SASH1: variants seen among roughly 807,000 people sequenced by gnomAD.
SASH1 encodes the protein SAM and SH3 domain-containing protein 1.
SASH1 carries 44 observed loss-of-function variants against 125.2 expected under a neutral mutation model. That is an observed-to-expected ratio of 0.35 (90% CI 0.28 to 0.45). The LOEUF is 0.45. Ranked by LOEUF, SASH1 falls within the 20% of genes least tolerant of loss-of-function variation. The pLI, the probability that SASH1 is intolerant of heterozygous loss-of-function variation, is 1.00. For missense variants in SASH1, 1,426 were observed against 1,614.5 expected (o/e 0.88, Z 2.00); for synonymous variants, 639 against 649.1 (o/e 0.98, Z 0.24).
chr6:148,409,236 A>G (rs909980540), intron 2 of SASH1, among the ~76,000 whole-genome samples: 8 of 152,232 alleles, frequency 5.3e-5, no homozygotes, highest in African/African-American at 1.4e-4. Context: ...TTCAGACCAT[A>G]TGCCATAGTG....
At chr6:148,484,754 A>C (rs919836562) in intron 7 of SASH1, among the ~76,000 whole-genome samples, 3 of 152,160 alleles carry the variant, frequency 2.0e-5, no homozygotes, top group Non-Finnish European at 4.4e-5. Flanking sequence ...CAACCTGGGC[A>C]TCATGATGAA....
chr6:148,243,450 A>AAATAATAAT, the SASH1 span, among the ~76,000 whole-genome samples: 22,355 of 138,220 alleles, frequency 0.16, 2,176 homozygotes, highest in Non-Finnish European at 0.22. Context: ...AATTCCATCT[A>AAATAATAAT]AATAATAATA....
the SASH1 span, among the ~76,000 whole-genome samples, chr6:148,237,924 A>T: frequency 1.3e-5 from 2 of 152,096 alleles, no homozygotes; most frequent in Non-Finnish European, 2.9e-5. Context: ...TTTCCAATGC[A>T]CATTGTTCAT....
chr6:148,359,797 T>C (rs1218883262), intron 1 of SASH1, among the ~76,000 whole-genome samples: 1 of 152,140 alleles, frequency 6.6e-6, no homozygotes, highest in African/African-American at 2.4e-5. Flanking sequence ...GTCACTCTGT[T>C]GCCAGGGCTG....
At chr6:148,367,753 C>G (rs553637009) in intron 1 of SASH1, among the ~76,000 whole-genome samples, 1 of 152,346 alleles carries the variant, frequency 6.6e-6, no homozygotes, top group East Asian at 1.9e-4. Context: ...CCCCCATCCC[C>G]CTGGCTCCTT....
At chr6:148,459,824 A>G (rs898015960) in intron 4 of SASH1, among the ~76,000 whole-genome samples, 1 of 152,198 alleles carries the variant, frequency 6.6e-6, no homozygotes, top group African/African-American at 2.4e-5. Flanking sequence ...GTGATCGGTA[A>G]CATTTTGTCT....
At chr6:148,525,624 A>G (rs574177261) in intron 11 of SASH1, among the ~76,000 whole-genome samples, 71 of 152,302 alleles carry the variant, frequency 4.7e-4, no homozygotes, top group African/African-American at 1.7e-3. Context: ...GTTTTCTTCA[A>G]GTAACAAATC....
chr6:148,363,562 G>A (rs533219161), intron 1 of SASH1, among the ~76,000 whole-genome samples: 3 of 151,938 alleles, frequency 2.0e-5, no homozygotes, highest in Middle Eastern at 3.2e-3. Flanking sequence ...CACCACACCC[G>A]GCTAATTTTC....
At chr6:148,408,352 C>T (rs1043476495) in intron 2 of SASH1, among the ~76,000 whole-genome samples, 6 of 151,462 alleles carry the variant, frequency 4.0e-5, no homozygotes, top group Non-Finnish European at 5.9e-5. Flanking sequence ...GTGATCCGCC[C>T]GCCTCAGCCT....
intron 2 of SASH1, among the ~76,000 whole-genome samples, chr6:148,427,304 A>G (rs1775864988): frequency 1.3e-5 from 2 of 152,188 alleles, no homozygotes; most frequent in Admixed American, 6.5e-5. Context: ...GGATATGCCA[A>G]GTCCTGCTAG....
intron 2 of SASH1, among the ~76,000 whole-genome samples, chr6:148,406,142 C>A (rs906597612): frequency 5.3e-5 from 8 of 152,218 alleles, no homozygotes; most frequent in Middle Eastern, 6.8e-3. Flanking sequence ...TGCCCTGACC[C>A]CAGGAGATGA....
chr6:148,473,407 C>T (rs909661530), intron 6 of SASH1, among the ~76,000 whole-genome samples: 1 of 152,134 alleles, frequency 6.6e-6, no homozygotes, highest in Non-Finnish European at 1.5e-5. Context: ...GTGCCTGCCA[C>T]CATGCCCGGC....
intron 1 of SASH1, among the ~76,000 whole-genome samples, chr6:148,308,283 A>C (rs200009399): frequency 7.3e-5 from 10 of 136,286 alleles, no homozygotes; most frequent in Middle Eastern, 3.8e-3. Context: ...CGCCCCCCCC[A>C]AAAATGTATA....
At position 148,533,983 on chromosome 6, in the gene SASH1, C is replaced by T; in HGVS notation, c.1944+3C>T. The T allele has an allele frequency of 6.2e-7, 1 of 1,613,402 alleles. No individual in the cohort carries two copies. The highest frequency in any genetic ancestry group is 8.5e-7 in the Non-Finnish European group (1 of 1,179,430). ...TCCTGGATCGGATTAACCTAAAAGTCAGTCGCTTCTGATTCTTGTCACACG... is the reference window on the plus strand; with the variant it reads ...TCCTGGATCGGATTAACCTAAAAGTTAGTCGCTTCTGATTCTTGTCACACG... On this transcript the variant is annotated splice_donor_region_variant and intron_variant, in intron 15 of 19. Coordinates refer to ENST00000367467, the MANE Select transcript of SASH1 (RefSeq NM_015278.5). The surrounding 1 kb of genome is among the most constrained non-coding windows in gnomAD (Gnocchi z 6.2).
chr6:148,294,061 A>G lies in SASH1; in HGVS notation n.74+21684A>G, dbSNP rs1779701767. Among the ~76,000 whole-genome samples, 4 of 152,192 alleles carry G rather than the reference A, an allele frequency of 2.6e-5. No homozygotes were observed. The South Asian group carries it at 8.3e-4, about 31-fold the overall frequency. ...GAGGCAAAGGGAATCTATTCTCTGA[A>G]AAGCACCATATGACTATGTCAGCCA... is the stretch of plus-strand genomic sequence containing the variant. On this transcript the variant is annotated intron_variant and non_coding_transcript_variant, in intron 1 of 3. Coordinates refer to the SASH1 transcript ENST00000367469.
intron 2 of SASH1, among the ~76,000 whole-genome samples, chr6:148,403,271 A>AAT (rs1186866322): frequency 4.6e-5 from 7 of 151,276 alleles, no homozygotes; most frequent in Non-Finnish European, 5.9e-5. Flanking sequence ...TTAATATAAG[A>AAT]ATATATATAT....
chr6:148,206,600 G>C, the SASH1 span, among the ~76,000 whole-genome samples: 1 of 152,014 alleles, frequency 6.6e-6, no homozygotes, highest in Non-Finnish European at 1.5e-5. Flanking sequence ...GACCAACCTG[G>C]CCAACATGGT....
intron 2 of SASH1, among the ~76,000 whole-genome samples, chr6:148,403,236 A>G (rs1036169870): frequency 6.6e-6 from 1 of 151,586 alleles, no homozygotes; most frequent in Admixed American, 6.6e-5. Context: ...ACGCTATATT[A>G]TAAAGCATGA....
intron 4 of SASH1, among the ~76,000 whole-genome samples, chr6:148,465,442 G>A (rs1777787566): frequency 6.6e-6 from 1 of 151,866 alleles, no homozygotes; most frequent in Non-Finnish European, 1.5e-5. Context: ...GTCCCAGGAG[G>A]CTGAGGCAGG....
Sources: gnomAD v4.1 joint callset for allele counts (sites outside exome capture counted in the v4.1 genomes callset) on GRCh38, gnomAD v4.1.1 for gene constraint, Gnocchi (gnomAD v3.1) non-coding constraint, MANE v1.5 for transcripts, NCBI Gene and HGNC (gene_info 2026-07-23, HGNC 2026-07-21) for gene names.